The following TTC7B variants were observed in gnomAD, a reference collection of about 807,000 sequenced individuals.
TTC7B encodes the protein tetratricopeptide repeat domain 7B.
Under a neutral mutation model 106.8 loss-of-function variants are expected in TTC7B, and 28 were observed. The ratio of observed to expected loss-of-function variants is 0.26; its 90% CI spans 0.19 to 0.36. The LOEUF is 0.36. TTC7B is among the 10% of genes least tolerant of loss of function. The pLI, the probability that TTC7B is intolerant of heterozygous loss-of-function variation, is 1.00. For synonymous variants in TTC7B, 405 were observed against 430.6 expected (o/e 0.94, Z 0.74); for missense variants, 862 against 1,076.4 (o/e 0.80, Z 2.79).
chr14:90,804,214 G>T (rs975184487), intron 1 of TTC7B, among the ~76,000 whole-genome samples: 7 of 152,132 alleles, frequency 4.6e-5, no homozygotes, highest in African/African-American at 1.7e-4. Flanking sequence ...GGCGCCTGTA[G>T]TCCCAGCTAC....
chr14:90,598,738 A>C (rs1030745161), intron 17 of TTC7B, among the ~76,000 whole-genome samples: 2 of 152,240 alleles, frequency 1.3e-5, no homozygotes, highest in Non-Finnish European at 2.9e-5. Context: ...CCTTTTTCCA[A>C]TGCACATGAC....
chr14:90,584,291 C>A (rs1197438933), intron 18 of TTC7B, among the ~76,000 whole-genome samples: 2 of 152,258 alleles, frequency 1.3e-5, no homozygotes, highest in East Asian at 1.9e-4. Context: ...GCACCCAGAA[C>A]CTCACGCAGG....
At chr14:90,592,822 C>G (rs530005686) in intron 18 of TTC7B, among the ~76,000 whole-genome samples, 1 of 152,176 alleles carries the variant, frequency 6.6e-6, no homozygotes, top group Non-Finnish European at 1.5e-5. Flanking sequence ...CTCATGCCCC[C>G]CTTCCGGGCC....
chr14:90,549,713 T>C (rs1889996001), intron 19 of TTC7B, among the ~76,000 whole-genome samples: 2 of 152,122 alleles, frequency 1.3e-5, no homozygotes, highest in South Asian at 4.1e-4. Flanking sequence ...GAATCCTAGC[T>C]CCACCGTTTA....
intron 4 of TTC7B, among the ~76,000 whole-genome samples, chr14:90,735,877 A>G (rs1889502774): frequency 6.6e-6 from 1 of 152,178 alleles, no homozygotes. Context: ...AAATTATTCT[A>G]AAATTTACCT....
At position 90,570,796 on chromosome 14, in the gene TTC7B, C is replaced by T. The variant is rs1891003112; in HGVS notation, c.2310+7310G>A. Among the ~76,000 whole-genome samples the T allele has an allele frequency of 6.6e-6, 1 of 152,218 alleles. No individual in the cohort carries two copies. Among genetic ancestry groups the T allele is most frequent in the Admixed American group, 6.5e-5 (1 of 15,290 alleles). On this transcript the variant is annotated intron_variant, in intron 19 of 19. Transcript: ENST00000328459. This position sits in a 1 kb window ranked among gnomAD's most constrained non-coding sequence, Gnocchi z 4.0. ...TGCGGAGTGTGAGGCACCCTGCTAA[C>T]TCATTTAACCCGCACAGCAACACCA...
chr14:90,616,001 C>T (rs1315981991), intron 16 of TTC7B, among the ~76,000 whole-genome samples: 1 of 152,172 alleles, frequency 6.6e-6, no homozygotes, highest in African/African-American at 2.4e-5. Context: ...ACAGCCCAGG[C>T]ATTTGGTTAA....
intron 3 of TTC7B, among the ~76,000 whole-genome samples, chr14:90,764,376 G>C: frequency 6.6e-6 from 1 of 151,710 alleles, no homozygotes; most frequent in East Asian, 1.9e-4. Flanking sequence ...AATCACAAGA[G>C]TAAATCTTCA....
intron 19 of TTC7B, among the ~76,000 whole-genome samples, chr14:90,558,299 C>T (rs763216035): frequency 6.6e-5 from 10 of 152,232 alleles, no homozygotes; most frequent in Non-Finnish European, 1.2e-4. Context: ...GTGCCGGCTA[C>T]ACAAACAGCT....
chr14:90,704,805 C>T (rs897037187), intron 5 of TTC7B, among the ~76,000 whole-genome samples: 1 of 152,204 alleles, frequency 6.6e-6, no homozygotes, highest in Non-Finnish European at 1.5e-5. Flanking sequence ...ACACAGAAGA[C>T]GCTCTGACCA....
intron 5 of TTC7B, among the ~76,000 whole-genome samples, chr14:90,712,610 G>T (rs558716540): frequency 6.3e-4 from 96 of 152,258 alleles, no homozygotes; most frequent in African/African-American, 2.1e-3. Flanking sequence ...ATTTTTGAGA[G>T]AAATCAAAGA....
At chr14:90,621,991 T>C (rs1884224620) in intron 15 of TTC7B, among the ~76,000 whole-genome samples, 1 of 152,124 alleles carries the variant, frequency 6.6e-6, no homozygotes, top group Non-Finnish European at 1.5e-5. Context: ...AAAAGAAAAT[T>C]ATGGAAAAAC....
At chr14:90,727,932 C>CT (rs955776620) in intron 5 of TTC7B, among the ~76,000 whole-genome samples, 1 of 152,174 alleles carries the variant, frequency 6.6e-6, no homozygotes, top group African/African-American at 2.4e-5. Flanking sequence ...TACCTCCATT[C>CT]TGTCCCCGCT....
At position 90,557,061 on chromosome 14, in the gene TTC7B, G is replaced by A. The variant is rs114523101; in HGVS notation, c.2311-15472C>T. 1.0e-2 allele frequency among the ~76,000 whole-genome samples: 1,517 copies of A among 152,078 alleles called. 14 individuals are homozygous for A. The highest frequency in any genetic ancestry group is 0.021 in the African/African-American group (865 of 41,492). ...CGGGGAGGCTTCCTGGGAGCCCCAC[G>A]GCCTGAGACAGGGGGTCCTAGAAAC... On this transcript the variant is annotated intron_variant, in intron 19 of 19. Transcript: ENST00000328459.
At chr14:90,682,458 A>G (rs957880804) in intron 7 of TTC7B, among the ~76,000 whole-genome samples, 2 of 152,232 alleles carry the variant, frequency 1.3e-5, no homozygotes, top group Non-Finnish European at 2.9e-5. Context: ...ACAACTACAC[A>G]TTAGAAGGCT....
At chr14:90,644,649 A>C in intron 14 of TTC7B, 1 of 154,614 alleles carries the variant, frequency 6.5e-6, no homozygotes, top group Non-Finnish European at 1.4e-5. Context: ...AACTGTTCTC[A>C]TTTTTTCAAG....
intron 17 of TTC7B, among the ~76,000 whole-genome samples, chr14:90,607,713 G>A (rs528989548): frequency 6.6e-6 from 1 of 152,320 alleles, no homozygotes; most frequent in East Asian, 1.9e-4. Flanking sequence ...AAATCCATGT[G>A]TCATGGAATA....
rs1399392275 is a variant in TTC7B at position 90,537,421 on chromosome 14, C to T, written c.*3947G>A. The T allele has an allele frequency of 6.6e-6, 1 of 150,624 alleles. No homozygotes were observed. Among genetic ancestry groups the T allele is most frequent in the African/African-American group, 2.5e-5 (1 of 40,778 alleles). The allele number at this position is 150,624 out of a possible 1,614,324, so 9.3% of individuals were successfully genotyped here. A position where few individuals can be genotyped will look rare whatever the true frequency, so the allele number is the denominator to read the frequency against. On this transcript the variant is annotated 3_prime_UTR_variant, in exon 20 of 20. Transcript: ENST00000328459. ...GCCCAGGCTGGTCTTGAACTCCTGGCCTCAGCTGATTCTCCTGCCTCAGCC... is the reference window on the plus strand; with the variant it reads ...GCCCAGGCTGGTCTTGAACTCCTGGTCTCAGCTGATTCTCCTGCCTCAGCC...
intron 3 of TTC7B, chr14:90,766,911 G>T: frequency 6.5e-7 from 1 of 1,549,238 alleles, no homozygotes; most frequent in Non-Finnish European, 8.9e-7. Context: ...GCCACTCCTG[G>T]GGCCTTCATG....
Sources: gnomAD v4.1 joint callset for allele counts (sites outside exome capture counted in the v4.1 genomes callset) on GRCh38, gnomAD v4.1.1 for gene constraint, Gnocchi (gnomAD v3.1) non-coding constraint, MANE v1.5 for transcripts, NCBI Gene and HGNC (gene_info 2026-07-23, HGNC 2026-07-21) for gene names.